Variants in RALB observed in about 807,000 individuals in gnomAD.
The protein encoded by RALB is ras-related protein Ral-B.
RALB carries 16 observed loss-of-function variants against 21.3 expected under a neutral mutation model. That is an observed-to-expected ratio of 0.75 (90% CI 0.51 to 1.14). The LOEUF (loss-of-function observed/expected upper bound fraction) is 1.14, where lower values mean the gene tolerates loss of function less well. Ranked by LOEUF, RALB falls within the 50% of genes most tolerant of loss-of-function variation. The pLI is 0.00. For synonymous variants in RALB, 93 were observed against 96.1 expected, an observed-to-expected ratio of 0.97 and a Z score of 0.19; for missense variants, 161 against 256.2, an observed-to-expected ratio of 0.63 and a Z score of 2.54.
chr2:120,246,976 C>G (rs957507149), intron 1 of RALB, among the ~76,000 whole-genome samples: 1 of 152,238 alleles, frequency 6.6e-6, no homozygotes, highest in African/African-American at 2.4e-5. Context: ...TCATATTTCA[C>G]TTTGGAAAGA....
chr2:120,240,240 T>G, intron 1 of RALB: 1 of 1,014,986 alleles, frequency 9.9e-7, no homozygotes, highest in Non-Finnish European at 1.3e-6. Context: ...CAGACTTGCC[T>G]GGGGTCACAC....
At chr2:120,260,364 G>A (rs115373209) in intron 1 of RALB, among the ~76,000 whole-genome samples, 1 of 152,284 alleles carries the variant, frequency 6.6e-6, no homozygotes, top group Non-Finnish European at 1.5e-5. Flanking sequence ...TGAAGGAGCA[G>A]ATTTTAAGAG....
intron 2 of RALB, chr2:120,280,700 A>G (rs909499568): frequency 2.4e-5 from 6 of 253,762 alleles, no homozygotes; most frequent in African/African-American, 2.1e-4. Context: ...GTATCCCAGA[A>G]CTTAAAGTAA....
intron 1 of RALB, among the ~76,000 whole-genome samples, chr2:120,261,530 A>G (rs1188287693): frequency 1.3e-5 from 2 of 152,186 alleles, no homozygotes; most frequent in Non-Finnish European, 2.9e-5. Flanking sequence ...CGAGATTACT[A>G]GGAAGTGTGG....
At chr2:120,243,176 C>G (rs879822720) in intron 1 of RALB, among the ~76,000 whole-genome samples, 3 of 152,194 alleles carry the variant, frequency 2.0e-5, no homozygotes, top group Non-Finnish European at 4.4e-5. Context: ...ACTCCGTCTG[C>G]CAGGGCTTCT....
chr2:120,242,095 G>A (rs1688906063), intron 1 of RALB, among the ~76,000 whole-genome samples: 1 of 152,164 alleles, frequency 6.6e-6, no homozygotes, highest in East Asian at 1.9e-4. Flanking sequence ...AAGGAAGGAA[G>A]GACAGGCCAT....
In RALB at chr2:120,252,964, G is replaced by A. The variant is rs2104574443; in HGVS notation, c.-64G>A. The A allele has an allele frequency of 1.0e-6, 1 of 985,382 alleles. No homozygotes were observed. The highest frequency in any genetic ancestry group is 1.2e-6 in the Non-Finnish European group (1 of 830,272). 61.0% of individuals were successfully genotyped at this position (985,382 alleles called of 1,614,324 possible). A position where few individuals can be genotyped will look rare whatever the true frequency, so the allele number is the denominator to read the frequency against. ...CGGGCCGGGTGCGGACGGCGGAGGCGGCGGGACTGGTCCCTGGTAAGGGCG... is the reference window on the plus strand; with the variant it reads ...CGGGCCGGGTGCGGACGGCGGAGGCAGCGGGACTGGTCCCTGGTAAGGGCG... On this transcript the variant is annotated 5_prime_UTR_variant, in exon 1 of 5. Coordinates refer to ENST00000272519, the MANE Select transcript of RALB (RefSeq NM_002881.3).
rs1341659063 is a variant in RALB at position 120,293,174 on chromosome 2, AAG to A, written c.537_538del (p.Lys180AspfsTer20). 1.2e-6 allele frequency: 2 copies of A among 1,613,754 alleles called. No individual in the cohort carries two copies. The highest frequency in any genetic ancestry group is 2.2e-5 in the East Asian group (1 of 44,862). On this transcript the variant is annotated frameshift_variant, in exon 5 of 5. Coordinates refer to ENST00000272519, the MANE Select transcript of RALB (RefSeq NM_002881.3). LOFTEE classifies it high-confidence loss of function. The stretch of plus-strand genomic sequence containing the variant: ...TGACCTAATGAGAGAAATCAGAACA[AAG>A]AAGATGTCAGAAAACAAAGACAAGA... ...FFDLMREIRT[K>X]KMSENKDKNG...
At chr2:120,276,781 C>T (rs1213353457) in intron 1 of RALB, among the ~76,000 whole-genome samples, 1 of 152,064 alleles carries the variant, frequency 6.6e-6, no homozygotes, top group Admixed American at 6.6e-5. Context: ...CATGTATATC[C>T]TATTTAGTCC....
chr2:120,294,065 C>A lies in RALB; in HGVS notation c.*805C>A. Reference sequence around the variant, plus strand: ...ATATTTTTAAGTTCTTTGGCTAAGTCCTCTCCTAACTGCCTGTCCTCTGGT... The same window carrying A: ...ATATTTTTAAGTTCTTTGGCTAAGTACTCTCCTAACTGCCTGTCCTCTGGT... On this transcript the variant is annotated 3_prime_UTR_variant, in exon 5 of 5. Transcript: ENST00000272519. 1 of 397,972 alleles carries A rather than the reference C, an allele frequency of 2.5e-6. No individual in the cohort carries two copies. The highest frequency in any genetic ancestry group is 1.3e-4 in the South Asian group (1 of 7,626). The allele number at this position is 397,972 out of a possible 1,614,324, so 24.7% of individuals were successfully genotyped here. A position where few individuals can be genotyped will look rare whatever the true frequency, so the allele number is the denominator to read the frequency against.
chr2:120,293,305 G>A lies in RALB; in HGVS notation c.*45G>A. The A allele has an allele frequency of 1.3e-6, 2 of 1,554,142 alleles. No individual in the cohort carries two copies. The highest frequency in any genetic ancestry group is 1.7e-6 in the Non-Finnish European group (2 of 1,152,708). On this transcript the variant is annotated 3_prime_UTR_variant, in exon 5 of 5. Transcript: ENST00000272519. The stretch of plus-strand genomic sequence containing the variant: ...AGCCAGCTGCTCCTAAGGACACAGG[G>A]CTGGGTTGGTAAAGAGAAGGCTATG...
At chr2:120,277,537 TG>T (rs531987198) in intron 1 of RALB, among the ~76,000 whole-genome samples, 220 of 139,688 alleles carry the variant, frequency 1.6e-3, no homozygotes, top group African/African-American at 7.1e-3. Flanking sequence ...AGTGTGTAGT[TG>T]TGTGTGTGTG....
At chr2:120,261,846 TG>T (rs986712790) in intron 1 of RALB, among the ~76,000 whole-genome samples, 3 of 152,114 alleles carry the variant, frequency 2.0e-5, no homozygotes, top group African/African-American at 7.2e-5. Context: ...GAATTGTGTG[TG>T]GGGGTGGTAT....
intron 1 of RALB, among the ~76,000 whole-genome samples, chr2:120,265,992 T>C (rs1689493116): frequency 6.6e-6 from 1 of 152,224 alleles, no homozygotes; most frequent in South Asian, 2.1e-4. Context: ...GCTAGCAGAA[T>C]CCCAGATTCC....
At chr2:120,258,053 A>C (rs550958410) in intron 1 of RALB, among the ~76,000 whole-genome samples, 1 of 152,184 alleles carries the variant, frequency 6.6e-6, no homozygotes, top group East Asian at 1.9e-4. Flanking sequence ...GGCCTGGTGC[A>C]TACCCACATC....
chr2:120,258,525 T>C (rs1256187001), intron 1 of RALB, among the ~76,000 whole-genome samples: 1 of 152,168 alleles, frequency 6.6e-6, no homozygotes, highest in Non-Finnish European at 1.5e-5. Flanking sequence ...ATGGTGAGCC[T>C]TTAAGGAGCG....
chr2:120,272,083 G>C (rs2104618668), intron 1 of RALB, among the ~76,000 whole-genome samples: 1 of 152,340 alleles, frequency 6.6e-6, no homozygotes, highest in South Asian at 2.1e-4. Flanking sequence ...GAGGCTGGAA[G>C]TCTGAGACAG....
chr2:120,265,113 C>T (rs1410067229), intron 1 of RALB, among the ~76,000 whole-genome samples: 3 of 152,202 alleles, frequency 2.0e-5, no homozygotes, highest in South Asian at 2.1e-4. Flanking sequence ...TATACAGCCA[C>T]GCATCACTTA....
intron 2 of RALB, 139 bp from the exon 3 acceptor site, chr2:120,285,734 AG>A: frequency 1.5e-6 from 1 of 669,594 alleles, no homozygotes; most frequent in South Asian, 1.9e-5. Context: ...AGAGCTATAA[AG>A]AACAGAAGTG....
Sources: allele counts gnomAD v4.1 joint callset (sites outside exome capture counted in the v4.1 genomes callset), GRCh38; gene constraint gnomAD v4.1.1; transcripts MANE v1.5; gene names NCBI Gene and HGNC (gene_info 2026-07-23, HGNC 2026-07-21).